Variants in RNF103 observed in about 807,000 individuals in gnomAD.
RNF103 encodes E3 ubiquitin-protein ligase RNF103.
In RNF103, 23 loss-of-function variants were observed where a neutral mutation model predicts 66.2. The observed-to-expected ratio is 0.35, with a 90% CI of 0.25 to 0.49. The LOEUF (loss-of-function observed/expected upper bound fraction) is 0.49, where lower values mean the gene tolerates loss of function less well. RNF103 is among the 20% of genes least tolerant of loss of function. RNF103 has a pLI of 0.98. For synonymous variants in RNF103, 297 were observed against 289.9 expected (o/e 1.02, Z -0.25); for missense variants, 730 against 814.7 (o/e 0.90, Z 1.27).
chr2:86,623,660 G>A lies in RNF103; in HGVS notation c.-774C>T. 1 of 1,161,672 alleles carries A rather than the reference G, an allele frequency of 8.6e-7. No individual in the cohort carries two copies. The highest frequency in any genetic ancestry group is 1.1e-6 in the Non-Finnish European group (1 of 928,508). 72.0% of individuals were successfully genotyped at this position (1,161,672 alleles called of 1,614,324 possible). Reference sequence around the variant, plus strand: ...GGTCTCTGCAGATGGAATCGGTCTCGGAGGGAAAAAACCAATAATAGGCCC... The same window carrying A: ...GGTCTCTGCAGATGGAATCGGTCTCAGAGGGAAAAAACCAATAATAGGCCC... On this transcript the variant is annotated 5_prime_UTR_variant, in exon 1 of 4. Transcript: ENST00000237455.
chr2:86,616,554 A>G, intron 2 of RNF103: 1 of 985,424 alleles, frequency 1.0e-6, no homozygotes, highest in Non-Finnish European at 1.2e-6. Flanking sequence ...AGAAATACGT[A>G]ATTTAGAATC....
intron 2 of RNF103, among the ~76,000 whole-genome samples, chr2:86,615,571 G>C (rs185240062): frequency 7.6e-4 from 112 of 147,472 alleles, no homozygotes; most frequent in African/African-American, 2.7e-3. Context: ...TGTCATACCA[G>C]TAAGAGTCCC....
Position 86,622,654 on chromosome 2 carries a change from T to G in RNF103, c.226+7A>C. The G allele has an allele frequency of 6.2e-7, 1 of 1,613,846 alleles. No homozygotes were observed. Among genetic ancestry groups the G allele is most frequent in the Non-Finnish European group, 8.5e-7 (1 of 1,179,936 alleles). ...GGAGGGGACCCTAGGGGAAGCCCGA[T>G]ACTCGCCTGACTTTTCCACCAGCTC... On this transcript the variant is annotated splice_region_variant and intron_variant, in intron 1 of 3. Transcript: ENST00000237455.
chr2:86,620,214 A>G, intron 2 of RNF103, 116 bp downstream of exon 2: 2 of 1,272,782 alleles, frequency 1.6e-6, no homozygotes, highest in Non-Finnish European at 2.0e-6. Context: ...GAACTGAGTT[A>G]TGTGTGAGAA....
intron 2 of RNF103, chr2:86,615,152 T>C (rs1417835734): frequency 3.2e-5 from 32 of 985,272 alleles, no homozygotes; most frequent in Non-Finnish European, 3.5e-5. Context: ...GTTGGGAACA[T>C]ACCTGGGGCA....
At chr2:86,618,717 G>A (rs1452887580) in intron 2 of RNF103, 1 of 152,156 alleles carries the variant, frequency 6.6e-6, no homozygotes, top group Middle Eastern at 3.4e-3. Flanking sequence ...CAGGGCAGTG[G>A]GACTGGCTAT....
intron 2 of RNF103, chr2:86,617,774 AATTTT>A: frequency 3.0e-6 from 3 of 1,014,476 alleles, no homozygotes; most frequent in Non-Finnish European, 3.6e-6. Context: ...AGATATTTTC[AATTTT>A]AAGCATAGTT....
Position 86,623,108 on chromosome 2 carries a change from G to A in RNF103, c.-222C>T. ...GGGACGCAGAGACGCAGAGCCTCGC[G>A]CCGGGCCTCCCAGTCAAGAGCCGAC... On this transcript the variant is annotated 5_prime_UTR_variant, in exon 1 of 4. Coordinates refer to ENST00000237455, the MANE Select transcript of RNF103 (RefSeq NM_005667.4). 8.0e-7 allele frequency: 1 copy of A among 1,248,008 alleles called. No homozygotes were observed. The highest frequency in any genetic ancestry group is 3.8e-5 in the East Asian group (1 of 26,548). The allele number at this position is 1,248,008 out of a possible 1,614,324, so 77.3% of individuals were successfully genotyped here.
At position 86,623,528 on chromosome 2, in the gene RNF103, A is replaced by G; in HGVS notation, c.-642T>C. Reference sequence around the variant, plus strand: ...CCCCGCCGACCGCCCAGGCTCCGCGAGAAGAGCGGCGGGCACGGCGGCGGC... The same window carrying G: ...CCCCGCCGACCGCCCAGGCTCCGCGGGAAGAGCGGCGGGCACGGCGGCGGC... On this transcript the variant is annotated 5_prime_UTR_variant, in exon 1 of 4. Coordinates refer to ENST00000237455, the MANE Select transcript of RNF103 (RefSeq NM_005667.4). 1.0e-6 allele frequency: 1 copy of G among 984,876 alleles called. No homozygotes were observed. Among genetic ancestry groups the G allele is most frequent in the Non-Finnish European group, 1.2e-6 (1 of 830,086 alleles). 61.0% of individuals were successfully genotyped at this position (984,876 alleles called of 1,614,324 possible).
chr2:86,612,464 A>G (rs1678837419), intron 2 of RNF103, 190 bp from the exon 3 acceptor site: 2 of 505,416 alleles, frequency 4.0e-6, no homozygotes, highest in South Asian at 5.3e-5. Context: ...AAGACTTGAA[A>G]CACTGAAACG....
At chr2:86,616,429 A>G (rs1679022600) in intron 2 of RNF103, 2 of 855,586 alleles carry the variant, frequency 2.3e-6, no homozygotes, top group Non-Finnish European at 2.8e-6. Context: ...GACAAAAAAC[A>G]GTGGTCTTTT....
At chr2:86,612,858 T>C (rs1216014099) in intron 2 of RNF103, 3 of 152,262 alleles carry the variant, frequency 2.0e-5, no homozygotes, top group African/African-American at 7.2e-5. Flanking sequence ...TTACCATTCT[T>C]CTTATTCATT....
chr2:86,607,157 C>T (rs1465003274), intron 3 of RNF103, among the ~76,000 whole-genome samples: 3 of 151,898 alleles, frequency 2.0e-5, no homozygotes, highest in Admixed American at 6.6e-5. Context: ...CACATGGAAA[C>T]GTTTTATTTG....
rs370678832 is a variant in RNF103, at chr2:86,605,014, A to T, written c.887T>A (p.Ile296Asn). ...PSYILRTPEG[I>N]YRYGNHTGEF... ...GCCTGTGTGGTTTCCATACCTGTAA[A>T]TTCCTTCAGGAGTTCTAAGTATGTA... Residue 296 changes from isoleucine to asparagine, a missense_variant, in exon 4 of 4, where the codon ATT becomes AAT. By Grantham distance (149) the Ile-to-Asn change is moderately radical. Coordinates refer to ENST00000237455, the MANE Select transcript of RNF103 (RefSeq NM_005667.4). 1.9e-6 allele frequency: 3 copies of T among 1,613,906 alleles called. No individual in the cohort carries two copies. Among genetic ancestry groups the T allele is most frequent in the African/African-American group, 1.3e-5 (1 of 74,974 alleles).
chr2:86,611,619 A>C (rs1367126736), intron 3 of RNF103, among the ~76,000 whole-genome samples: 1 of 152,184 alleles, frequency 6.6e-6, no homozygotes, highest in Non-Finnish European at 1.5e-5. Flanking sequence ...GGGGGGGAAA[A>C]CCGGCGAAGG....
Position 86,604,265 on chromosome 2 carries a change from T to A in RNF103, c.1636A>T (p.Thr546Ser), listed in dbSNP as rs767995579. Reference protein sequence around the residue: ...ENDSESENTDTLSSEKEVFED... With the variant: ...ENDSESENTDSLSSEKEVFED... ...AATACTTCCTTCTCACTACTCAAAG[T>A]GTCTGTGTTCTCACTTTCCGAGTCA... Residue 546 changes from threonine (T) to serine (S), a missense_variant, in exon 4 of 4, where the codon ACT becomes TCT. Transcript: ENST00000237455. 3 of 1,614,252 alleles carry A rather than the reference T, an allele frequency of 1.9e-6. No individual in the cohort carries two copies. In the Admixed American group the frequency reaches 5.0e-5, roughly 27 times the overall value.
chr2:86,604,854 G>C lies in RNF103; in HGVS notation c.1047C>G (p.Thr349=). 1.9e-6 allele frequency: 3 copies of C among 1,614,066 alleles called. No homozygotes were observed. The highest frequency in any genetic ancestry group is 2.5e-6 in the Non-Finnish European group (3 of 1,180,028). ...TTATGAGAACCACAAATCGCTTTAT[G>C]GTAGCTCCTTGTGTAATAAATAAGT... is the stretch of plus-strand genomic sequence containing the variant. The part of the protein sequence containing the change: ...WMDLFITQGA[T]IKRFVVLIST... Residue 349 remains threonine, a synonymous_variant, in exon 4 of 4, where the codon ACC becomes ACG. Transcript: ENST00000237455.
chr2:86,618,695 A>G (rs144797368), intron 2 of RNF103: 3 of 152,350 alleles, frequency 2.0e-5, no homozygotes, highest in African/African-American at 7.2e-5. Context: ...GGTGACATTT[A>G]GACACTGAAA....
At chr2:86,614,797 TA>T (rs1219822578) in intron 2 of RNF103, 2 of 981,202 alleles carry the variant, frequency 2.0e-6, no homozygotes, top group African/African-American at 3.5e-5. Context: ...GATTAAGAAG[TA>T]TCTGTGCAAT....
Sources: gnomAD v4.1 joint callset for allele counts (sites outside exome capture counted in the v4.1 genomes callset) on GRCh38, gnomAD v4.1.1 for gene constraint, MANE v1.5 for transcripts, NCBI Gene and HGNC (gene_info 2026-07-23, HGNC 2026-07-21) for gene names.